DDX31: variants seen among roughly 807,000 people sequenced by gnomAD.
The protein encoded by DDX31 is DEAD-box helicase 31.
DDX31 carries 70 observed loss-of-function variants against 91.3 expected under a neutral mutation model. The observed-to-expected ratio is 0.77, with a 90% confidence interval of 0.63 to 0.94. The LOEUF is 0.94. Ranked by LOEUF, DDX31 falls within the 40% of genes least tolerant of loss-of-function variation. The pLI is 0.00. For missense variants in DDX31, 902 were observed against 925.0 expected (o/e 0.98, Z 0.32); for synonymous variants, 362 against 350.6 (o/e 1.03, Z -0.36).
At chr9:132,605,981 G>A (rs1033459473) in intron 19 of DDX31, among the ~76,000 whole-genome samples, 22 of 152,172 alleles carry the variant, frequency 1.4e-4, no homozygotes, top group African/African-American at 5.1e-4. Context: ...ATGGAGCGCC[G>A]GGGCTGAGGG....
chr9:132,637,164 A>G (rs1833168624), intron 14 of DDX31, among the ~76,000 whole-genome samples: 1 of 151,848 alleles, frequency 6.6e-6, no homozygotes. Flanking sequence ...ACCCAGGGAG[A>G]GGTCCCAGGG....
chr9:132,604,978 T>A (rs1410584820), intron 19 of DDX31, among the ~76,000 whole-genome samples: 1 of 152,160 alleles, frequency 6.6e-6, no homozygotes, highest in African/African-American at 2.4e-5. Flanking sequence ...ATGCTGTCCT[T>A]CCTGAGGATG....
chr9:132,651,171 TTAAAGACAA>T, intron 7 of DDX31, 55 bp from the exon 8 acceptor site: 5 of 1,442,548 alleles, frequency 3.5e-6, no homozygotes, highest in Non-Finnish European at 4.8e-6. Context: ...TTTTTTTTTT[TTAAAGACAA>T]TTTAATGTGA....
intron 6 of DDX31, 142 bp from the exon 7 acceptor site, chr9:132,652,634 G>A (rs918222233): frequency 4.8e-6 from 5 of 1,047,544 alleles, no homozygotes; most frequent in Non-Finnish European, 7.0e-6. Flanking sequence ...GCCCACTGAT[G>A]TGGTCTGGCT....
intron 14 of DDX31, chr9:132,638,168 A>G: frequency 1.0e-5 from 14 of 1,391,004 alleles, no homozygotes; most frequent in Non-Finnish European, 1.3e-5. Context: ...TTCTGGGAAA[A>G]AGGTGACTGC....
chr9:132,633,725 G>C (rs879562588), intron 14 of DDX31, among the ~76,000 whole-genome samples: 1 of 151,784 alleles, frequency 6.6e-6, no homozygotes, highest in African/African-American at 2.4e-5. Context: ...GGAAGGACAG[G>C]ATAAAGATGG....
intron 14 of DDX31, among the ~76,000 whole-genome samples, chr9:132,640,217 T>TG (rs922307990): frequency 1.3e-5 from 2 of 151,920 alleles, no homozygotes; most frequent in South Asian, 2.1e-4. Flanking sequence ...TGGGGAAGAA[T>TG]GGGGGGGCTT....
intron 12 of DDX31, among the ~76,000 whole-genome samples, 172 bp from the exon 13 acceptor site, chr9:132,646,243 A>C (rs1833833682): frequency 6.6e-6 from 1 of 152,356 alleles, no homozygotes; most frequent in Middle Eastern, 3.4e-3. Context: ...CACTCTACAA[A>C]GAATGCAGGA....
chr9:132,634,931 G>T (rs892988571), intron 14 of DDX31, among the ~76,000 whole-genome samples: 1 of 152,092 alleles, frequency 6.6e-6, no homozygotes, highest in Non-Finnish European at 1.5e-5. Context: ...CACGCACTCC[G>T]TTGTGTCTCT....
chr9:132,659,276 C>A (rs1182351369), intron 5 of DDX31, among the ~76,000 whole-genome samples: 1 of 152,112 alleles, frequency 6.6e-6, no homozygotes. Context: ...ACATGAGGGT[C>A]AAAAAAGCAA....
At chr9:132,634,070 A>C (rs1433229367) in intron 14 of DDX31, among the ~76,000 whole-genome samples, 2 of 152,170 alleles carry the variant, frequency 1.3e-5, no homozygotes, top group African/African-American at 4.8e-5. Flanking sequence ...GACACCCAAA[A>C]CACATTAAAT....
At chr9:132,638,408 GA>G in intron 14 of DDX31, 1 of 1,613,738 alleles carries the variant, frequency 6.2e-7, no homozygotes. Context: ...TCCAGTGTCT[GA>G]TATCTGATCC....
At chr9:132,618,636 TGAGA>T (rs145822933) in intron 17 of DDX31, among the ~76,000 whole-genome samples, 195 bp from the exon 18 acceptor site, 9 of 152,300 alleles carry the variant, frequency 5.9e-5, no homozygotes, top group African/African-American at 2.2e-4. Flanking sequence ...GGTGGCTTTA[TGAGA>T]GAGAACATCA....
intron 13 of DDX31, among the ~76,000 whole-genome samples, chr9:132,642,693 G>T (rs1289523395): frequency 6.6e-6 from 1 of 151,242 alleles, no homozygotes; most frequent in East Asian, 1.9e-4. Flanking sequence ...CTCTTATATA[G>T]CAACAGAATA....
At chr9:132,641,532 C>T (rs1186618219) in intron 14 of DDX31, among the ~76,000 whole-genome samples, 1 of 152,214 alleles carries the variant, frequency 6.6e-6, no homozygotes, top group Non-Finnish European at 1.5e-5. Context: ...CTATCCCGGA[C>T]TGCAGAGCCT....
At chr9:132,666,441 G>A (rs1280269608) in intron 1 of DDX31, among the ~76,000 whole-genome samples, 1 of 151,746 alleles carries the variant, frequency 6.6e-6, no homozygotes, top group Non-Finnish European at 1.5e-5. Context: ...AGCATTGTCT[G>A]AGTATGGCAA....
intron 19 of DDX31, among the ~76,000 whole-genome samples, chr9:132,610,729 A>C (rs1203628974): frequency 1.3e-5 from 2 of 152,082 alleles, no homozygotes; most frequent in African/African-American, 2.4e-5. Flanking sequence ...GGGCCTCCCA[A>C]GGTGCTGGGA....
Position 132,631,953 on chromosome 9 carries a change from A to T in DDX31, c.1491+88T>A. On this transcript the variant is annotated intron_variant, in intron 15 of 19. Transcript: ENST00000372159. Reference sequence around the variant, plus strand: ...TACCAGGGCAACACCCAAGAGGATAATAATAATTATTCTACTTAAAGCCAA... The same window carrying T: ...TACCAGGGCAACACCCAAGAGGATATTAATAATTATTCTACTTAAAGCCAA... 7.5e-6 allele frequency: 9 copies of T among 1,197,902 alleles called. No homozygotes were observed. In the South Asian group the frequency reaches 1.3e-4, roughly 17 times the overall value. 74.2% of individuals were successfully genotyped at this position (1,197,902 alleles called of 1,614,324 possible). A position where few individuals can be genotyped will look rare whatever the true frequency, so the allele number is the denominator to read the frequency against.
intron 6 of DDX31, among the ~76,000 whole-genome samples, chr9:132,657,771 G>A (rs888605518): frequency 2.0e-5 from 3 of 152,144 alleles, no homozygotes; most frequent in Non-Finnish European, 2.9e-5. Context: ...CTGGGCTGGC[G>A]TTTGAGATGA....
Sources: gnomAD v4.1 joint callset for allele counts (sites outside exome capture counted in the v4.1 genomes callset) on GRCh38, gnomAD v4.1.1 for gene constraint, MANE v1.5 for transcripts, NCBI Gene and HGNC (gene_info 2026-07-23, HGNC 2026-07-21) for gene names.